Variants in TRIM16 observed in about 807,000 individuals in gnomAD.
TRIM16 encodes the protein tripartite motif-containing protein 16.
In TRIM16, 33 loss-of-function variants were observed where a neutral mutation model predicts 50.4. The ratio of observed to expected loss-of-function variants is 0.65; its 90% CI spans 0.50 to 0.88. The LOEUF (loss-of-function observed/expected upper bound fraction) is 0.88. TRIM16 is among the 40% of genes least tolerant of loss of function. The probability of loss-of-function intolerance (pLI) is 0.00; values close to 1 mark genes in which losing one functional copy is unlikely to be tolerated. For synonymous variants in TRIM16, 229 were observed against 270.7 expected, an observed-to-expected ratio of 0.85 and a Z score of 1.51; for missense variants, 581 against 686.8, an observed-to-expected ratio of 0.85 and a Z score of 1.72.
chr17:15,646,193 G>A (rs139667138), intron 7 of TRIM16, among the ~76,000 whole-genome samples: 5,086 of 151,968 alleles, frequency 0.033, 106 homozygotes, highest in Non-Finnish European at 0.048. Flanking sequence ...GTACATAATC[G>A]GGGACTTTCC....
Position 15,679,762 on chromosome 17 carries a change from C to T in TRIM16, c.-590+1103G>A, listed in dbSNP as rs555942207. ...ACCATCCTGGCTAACACGGTGAAACCCTGTCTCTACTAAAAATACAAAAAA... is the reference window on the plus strand; with the variant it reads ...ACCATCCTGGCTAACACGGTGAAACTCTGTCTCTACTAAAAATACAAAAAA... On this transcript the variant is annotated intron_variant, in intron 4 of 11. Transcript: ENST00000649191. Among the ~76,000 whole-genome samples the T allele has an allele frequency of 4.6e-5, 7 of 151,988 alleles. No individual in the cohort carries two copies. In the South Asian group the frequency reaches 1.2e-3, roughly 27 times the overall value.
chr17:15,677,024 G>A (rs988134192), intron 6 of TRIM16, among the ~76,000 whole-genome samples, 152 bp downstream of exon 6: 3 of 152,162 alleles, frequency 2.0e-5, no homozygotes, highest in African/African-American at 7.2e-5. Flanking sequence ...TTGAGTCTGG[G>A]AAGAAATAAA....
Position 15,628,734 on chromosome 17 carries a change from A to G in TRIM16, c.1576T>C (p.Phe526Leu). Residue 526 changes from phenylalanine to leucine, a missense_variant, in exon 12 of 12, where the codon TTT (phenylalanine) becomes CTT (leucine). Physicochemically the swap from Phe to Leu is conservative, Grantham distance 22. Around this residue, in one of 3 missense-constraint regions of TRIM16, gnomAD observed 115 missense variants for 106.7 expected, o/e 1.08. Transcript: ENST00000649191. ...AAGGCAGCATAGACTGGTTCTGAAAATTTGCAGGCAAACTTGTGAACCAGA... is the reference window on the plus strand; with the variant it reads ...AAGGCAGCATAGACTGGTTCTGAAAGTTTGCAGGCAAACTTGTGAACCAGA... ...MTLVHKFACK[F>L]SEPVYAAFWL... 2 of 1,614,070 alleles carry G rather than the reference A, an allele frequency of 1.2e-6. No homozygotes were observed. The highest frequency in any genetic ancestry group is 4.5e-5 in the East Asian group (2 of 44,862).
At chr17:15,673,430 G>A (rs1164747519) in intron 6 of TRIM16, among the ~76,000 whole-genome samples, 2 of 152,190 alleles carry the variant, frequency 1.3e-5, no homozygotes, top group African/African-American at 2.4e-5. Flanking sequence ...AAACAGAAGA[G>A]AAGGATAGGA....
chr17:15,633,354 G>A (rs1986528953), intron 9 of TRIM16, among the ~76,000 whole-genome samples: 1 of 150,852 alleles, frequency 6.6e-6, no homozygotes, highest in Admixed American at 6.6e-5. Flanking sequence ...ATCAAAACCA[G>A]AGAATTGATA....
chr17:15,665,921 A>C (rs2649445), intron 6 of TRIM16, among the ~76,000 whole-genome samples: 39 of 151,572 alleles, frequency 2.6e-4, no homozygotes, highest in Middle Eastern at 3.4e-3. Flanking sequence ...CTAGATCCCA[A>C]CACAACAAAT....
At position 15,642,757 on chromosome 17, in the gene TRIM16, G is replaced by A. The variant is rs374201891; in HGVS notation, c.579C>T (p.Ala193=). 139 of 828,024 alleles carry A rather than the reference G, an allele frequency of 1.7e-4. No individual in the cohort carries two copies. In the African/African-American group the frequency reaches 2.7e-3, roughly 16 times the overall value. The allele number at this position is 828,024 out of a possible 1,614,324, so 51.3% of individuals were successfully genotyped here. A position where few individuals can be genotyped will look rare whatever the true frequency, so the allele number is the denominator to read the frequency against. Residue 193 remains alanine (A), a synonymous_variant, in exon 8 of 12, where the codon GCC becomes GCT. Transcript: ENST00000649191. Reference sequence around the variant, plus strand: ...TTTGGTTAGCCTGGAGCCTGGAGATGGCATTTTCATTCAACTTGAGTTTCC... The same window carrying A: ...TTTGGTTAGCCTGGAGCCTGGAGATAGCATTTTCATTCAACTTGAGTTTCC... ...LERKLKLNEN[A]ISRLQANQKS... is the part of the protein sequence containing the mutation.
At chr17:15,640,336 G>A (rs189557822) in intron 8 of TRIM16, among the ~76,000 whole-genome samples, 9,158 of 148,366 alleles carry the variant, frequency 0.062, 1,309 homozygotes, top group African/African-American at 0.2. Flanking sequence ...GTGGCTGTGT[G>A]GGGGTTGCAG....
intron 6 of TRIM16, among the ~76,000 whole-genome samples, chr17:15,657,390 C>T (rs937204359): frequency 6.6e-6 from 1 of 152,210 alleles, no homozygotes; most frequent in African/African-American, 2.4e-5. Flanking sequence ...GTGCACACTA[C>T]TGTGCCTGGC....
At chr17:15,669,912 T>C (rs557402302) in intron 6 of TRIM16, among the ~76,000 whole-genome samples, 285 of 152,254 alleles carry the variant, frequency 1.9e-3, no homozygotes, top group Middle Eastern at 3.4e-3. Context: ...CCTCCCCCAA[T>C]TGTGACAACC....
chr17:15,629,077 C>T lies in TRIM16; in HGVS notation c.1233G>A (p.Arg411=). The T allele has an allele frequency of 6.2e-7, 1 of 1,613,918 alleles. No homozygotes were observed. Among genetic ancestry groups the T allele is most frequent in the South Asian group, 1.1e-5 (1 of 91,078 alleles). The change falls in exon 12 of 12, where the codon AGG becomes AGA. Residue 411 remains arginine, a synonymous_variant. Coordinates refer to ENST00000649191, the MANE Select transcript of TRIM16 (RefSeq NM_001348119.1). ...WEHPYPDLPS[R]FLHWRQVLSQ... The stretch of plus-strand genomic sequence containing the variant: ...ACAGCACCTGCCGCCAGTGCAGGAA[C>T]CTGCTGGGGAGGTCCGGGTAGGGAT...
At chr17:15,633,902 A>G (rs759835678) in intron 9 of TRIM16, among the ~76,000 whole-genome samples, 10 of 149,734 alleles carry the variant, frequency 6.7e-5, no homozygotes, top group East Asian at 2.0e-4. Context: ...TATGTTAAAA[A>G]TAAACTTACA....
At chr17:15,631,793 C>A in intron 10 of TRIM16, 79 bp from the exon 11 acceptor site, 2 of 1,379,610 alleles carry the variant, frequency 1.4e-6, no homozygotes, top group Non-Finnish European at 1.0e-6. Flanking sequence ...TCCCAGCCAC[C>A]CTTCCCTGGG....
Position 15,642,805 on chromosome 17 carries a change from C to T in TRIM16, c.531G>A (p.Gln177=), listed in dbSNP as rs1482186867. 2.8e-6 allele frequency: 2 copies of T among 705,254 alleles called. No homozygotes were observed. The highest frequency in any genetic ancestry group is 4.5e-6 in the Non-Finnish European group (2 of 443,566). The allele number at this position is 705,254 out of a possible 1,614,324, so 43.7% of individuals were successfully genotyped here. Residue 177 remains glutamine (Q), a synonymous_variant, in exon 8 of 12, where the codon CAG becomes CAA. Coordinates refer to ENST00000649191, the MANE Select transcript of TRIM16 (RefSeq NM_001348119.1). ...AARRDKEAEL[Q]CTQLDLERKL... Reference sequence around the variant, plus strand: ...TCCGCTCCAAGTCTAACTGGGTGCACTGGAGTTCAGCCTAAAAGTGGAAAG... The same window carrying T: ...TCCGCTCCAAGTCTAACTGGGTGCATTGGAGTTCAGCCTAAAAGTGGAAAG...
chr17:15,678,466 A>G (rs1221691972), intron 4 of TRIM16, among the ~76,000 whole-genome samples: 1 of 152,148 alleles, frequency 6.6e-6, no homozygotes, highest in Non-Finnish European at 1.5e-5. Context: ...TGCAAGCAGG[A>G]GTGATGTGCG....
At chr17:15,680,188 T>A (rs1989126974) in intron 4 of TRIM16, among the ~76,000 whole-genome samples, 1 of 152,178 alleles carries the variant, frequency 6.6e-6, no homozygotes, top group African/African-American at 2.4e-5. Context: ...ACTACTTTCA[T>A]TAGCCTAGGA....
Position 15,651,692 on chromosome 17 carries a change from G to C in TRIM16, c.-83C>G. 6.4e-7 allele frequency: 1 copy of C among 1,553,112 alleles called. No individual in the cohort carries two copies. The highest frequency in any genetic ancestry group is 8.7e-7 in the Non-Finnish European group (1 of 1,152,396). ...AGCCCAAGTCAGACAAGAGAACCAC[G>C]CCTAGATGATTGCAGCTGCTGCAAG... On this transcript the variant is annotated 5_prime_UTR_variant, in exon 7 of 12. Coordinates refer to ENST00000649191, the MANE Select transcript of TRIM16 (RefSeq NM_001348119.1).
At chr17:15,658,985 G>T in intron 6 of TRIM16, 1 of 545,642 alleles carries the variant, frequency 1.8e-6, no homozygotes, top group Non-Finnish European at 2.3e-6. Flanking sequence ...AAGGGCCGTT[G>T]CTCCTAGTCT....
chr17:15,636,709 A>T (rs1041904338), intron 8 of TRIM16, among the ~76,000 whole-genome samples: 1 of 145,852 alleles, frequency 6.9e-6, no homozygotes, highest in Non-Finnish European at 1.5e-5. Flanking sequence ...CTGACCACTG[A>T]GTCCATCAGA....
Sources: gnomAD v4.1 joint callset for allele counts (sites outside exome capture counted in the v4.1 genomes callset) on GRCh38, gnomAD v4.1.1 for gene constraint, gnomAD v4.1.1 regional missense constraint, MANE v1.5 for transcripts, NCBI Gene and HGNC (gene_info 2026-07-23, HGNC 2026-07-21) for gene names.